HERC4: variants seen among roughly 807,000 people sequenced by gnomAD.
HERC4 encodes the protein HECT and RLD domain containing E3 ubiquitin protein ligase 4, also known as probable E3 ubiquitin-protein ligase HERC4.
HERC4 carries 28 observed loss-of-function variants against 124.3 expected under a neutral mutation model. That is an observed-to-expected ratio of 0.23 (90% CI 0.17 to 0.31). The LOEUF is 0.31. Ranked by LOEUF, HERC4 falls within the 10% of genes least tolerant of loss-of-function variation. The pLI is 1.00. For missense variants in HERC4, 713 were observed against 1,229.3 expected, an observed-to-expected ratio of 0.58 and a Z score of 6.28; for synonymous variants, 407 against 421.5, an observed-to-expected ratio of 0.97 and a Z score of 0.42.
chr10:67,977,565 T>TACC (rs2035670885), intron 15 of HERC4, among the ~76,000 whole-genome samples: 1 of 152,106 alleles, frequency 6.6e-6, no homozygotes, highest in South Asian at 2.1e-4. Context: ...GTACCTTGGG[T>TACC]ACCAGCTCCA....
intron 3 of HERC4, among the ~76,000 whole-genome samples, chr10:68,059,619 ATAT>A (rs1330676821): frequency 3.3e-5 from 3 of 91,738 alleles, no homozygotes; most frequent in African/African-American, 6.3e-5. Context: ...ATATATCATA[ATAT>A]TATATATCAT....
intron 5 of HERC4, among the ~76,000 whole-genome samples, chr10:68,037,616 A>G (rs2039545740): frequency 2.0e-5 from 3 of 152,208 alleles, no homozygotes. Context: ...TGCAGCTATG[A>G]AGAGTTTTTA....
intron 23 of HERC4, among the ~76,000 whole-genome samples, chr10:67,926,648 A>C (rs2031011380): frequency 6.6e-6 from 1 of 152,102 alleles, no homozygotes; most frequent in African/African-American, 2.4e-5. Context: ...GCTCAGATTA[A>C]ATGCCATCTA....
chr10:67,941,761 G>A (rs377419044), intron 19 of HERC4, among the ~76,000 whole-genome samples: 5 of 137,632 alleles, frequency 3.6e-5, no homozygotes, highest in East Asian at 4.5e-4. Context: ...TCACTGCAAC[G>A]TATGCCTCCT....
At chr10:67,955,494 G>C (rs1034070524) in intron 17 of HERC4, 1 of 161,198 alleles carries the variant, frequency 6.2e-6, no homozygotes, top group Non-Finnish European at 1.3e-5. Flanking sequence ...GGAACAGGCT[G>C]GGCGCAGTGG....
At chr10:67,946,987 C>T (rs774555550) in intron 19 of HERC4, among the ~76,000 whole-genome samples, 8 of 152,076 alleles carry the variant, frequency 5.3e-5, no homozygotes, top group African/African-American at 7.2e-5. Flanking sequence ...ATATTATTAC[C>T]GCTAAAGAGA....
In HERC4 at chr10:67,940,990, T is replaced by C; in HGVS notation, c.2453A>G (p.Lys818Arg). Residue 818 changes from lysine to arginine, a missense_variant, in exon 20 of 25, where the codon AAA becomes AGA. Lys to Arg is a conservative substitution (Grantham distance 26, BLOSUM62 2). Transcript: ENST00000373700. ...FPLALYKKLL[K>R]KKPSLDDLKE... ...CAAATCATCCAAGGATGGCTTCTTT[T>C]TCAGTAGTTTCTTATATAAAGCCAA... 1 of 1,611,686 alleles carries C rather than the reference T, an allele frequency of 6.2e-7. No individual in the cohort carries two copies. The highest frequency in any genetic ancestry group is 1.1e-5 in the South Asian group (1 of 90,048).
intron 5 of HERC4, among the ~76,000 whole-genome samples, chr10:68,036,532 A>G (rs2039481391): frequency 6.6e-6 from 1 of 152,192 alleles, no homozygotes; most frequent in Admixed American, 6.5e-5. Context: ...CTGCCTATAG[A>G]AGTCCAAATT....
At chr10:67,999,011 A>C (rs945682071) in intron 9 of HERC4, among the ~76,000 whole-genome samples, 12 of 152,302 alleles carry the variant, frequency 7.9e-5, no homozygotes, top group African/African-American at 2.9e-4. Context: ...GATTACAGGC[A>C]TGAGCCACTG....
At position 68,018,900 on chromosome 10, in the gene HERC4, CTTTTTTTT is replaced by C. The variant is rs34948748; in HGVS notation, c.909-4722_909-4715del. Among the ~76,000 whole-genome samples the C allele has an allele frequency of 7.5e-5, 7 of 93,154 alleles. No homozygotes were observed. In the East Asian group the frequency reaches 1.6e-3, roughly 21 times the overall value. 61.1% of individuals were successfully genotyped at this position (93,154 alleles called of 152,430 possible). ...CACTACCAATCAAAACCCCACAAGG[CTTTTTTTT>C]TTTTTTTTTTTTGAGAGAACTTCAC... On this transcript the variant is annotated intron_variant, in intron 8 of 24. Transcript: ENST00000373700.
At chr10:67,964,635 CCT>C (rs2034739167) in intron 16 of HERC4, among the ~76,000 whole-genome samples, 1 of 152,170 alleles carries the variant, frequency 6.6e-6, no homozygotes, top group Non-Finnish European at 1.5e-5. Context: ...TTAAGTTTCC[CCT>C]GTTTATCATT....
intron 9 of HERC4, chr10:67,994,260 A>T (rs1564522779): frequency 6.6e-6 from 1 of 152,206 alleles, no homozygotes; most frequent in Non-Finnish European, 1.5e-5. Context: ...GGAATTGCTC[A>T]TTTCCTCAAA....
intron 9 of HERC4, among the ~76,000 whole-genome samples, chr10:67,998,565 G>GC (rs1272157643): frequency 6.8e-5 from 1 of 14,672 alleles, no homozygotes; most frequent in African/African-American, 8.7e-5. Flanking sequence ...AAAAAAAAAG[G>GC]GGGGGGGGTA....
At chr10:67,930,709 TTAATTTCACA>T (rs2031705263) in intron 23 of HERC4, among the ~76,000 whole-genome samples, 1 of 152,206 alleles carries the variant, frequency 6.6e-6, no homozygotes, top group Non-Finnish European at 1.5e-5. Context: ...AATCAGCAGA[TTAATTTCACA>T]TATATCTTCC....
At chr10:67,959,032 C>T (rs1015898729) in intron 16 of HERC4, 23 of 1,197,734 alleles carry the variant, frequency 1.9e-5, no homozygotes, top group South Asian at 4.6e-5. Flanking sequence ...ACCAAAAAAA[C>T]GAATCTTTGG....
intron 23 of HERC4, among the ~76,000 whole-genome samples, chr10:67,931,840 A>C (rs1372623562): frequency 6.6e-6 from 1 of 152,170 alleles, no homozygotes; most frequent in East Asian, 1.9e-4. Context: ...ATGGCTCACT[A>C]CAGCCTCAAC....
chr10:68,038,595 C>T (rs1461726626), intron 4 of HERC4, among the ~76,000 whole-genome samples: 1 of 152,160 alleles, frequency 6.6e-6, no homozygotes, highest in Non-Finnish European at 1.5e-5. Flanking sequence ...GTTTAATGCA[C>T]GTTCTCCTTT....
intron 19 of HERC4, among the ~76,000 whole-genome samples, chr10:67,949,215 C>T (rs999638569): frequency 1.3e-4 from 20 of 151,810 alleles, no homozygotes; most frequent in Non-Finnish European, 2.1e-4. Context: ...ACCCAGGAGG[C>T]GGAGGTTGCA....
chr10:67,979,854 G>A (rs1047306374), intron 15 of HERC4, among the ~76,000 whole-genome samples: 5 of 151,842 alleles, frequency 3.3e-5, no homozygotes, highest in South Asian at 2.1e-4. Flanking sequence ...GGAGAATGGC[G>A]TGAACCTGAG....
Sources: gnomAD v4.1 joint callset for allele counts (sites outside exome capture counted in the v4.1 genomes callset) on GRCh38, gnomAD v4.1.1 for gene constraint, MANE v1.5 for transcripts, NCBI Gene and HGNC (gene_info 2026-07-23, HGNC 2026-07-21) for gene names.